Variants in HPSE2 observed in about 807,000 individuals in gnomAD.
HPSE2 encodes the protein heparanase 2 (inactive).
HPSE2 carries 38 observed loss-of-function variants against 60.5 expected under a neutral mutation model. The ratio of observed to expected loss-of-function variants is 0.63; its 90% CI spans 0.48 to 0.82. HPSE2 has a LOEUF of 0.82. HPSE2 is among the 40% of genes least tolerant of loss of function. The pLI is 0.00. For synonymous variants in HPSE2, 295 were observed against 293.2 expected, an observed-to-expected ratio of 1.01 and a Z score of -0.06; for missense variants, 713 against 740.4, an observed-to-expected ratio of 0.96 and a Z score of 0.43.
chr10:98,978,931 C>G (rs1956147125), intron 3 of HPSE2, among the ~76,000 whole-genome samples: 1 of 152,164 alleles, frequency 6.6e-6, no homozygotes, highest in South Asian at 2.1e-4. Flanking sequence ...ATGCATGTTC[C>G]CAACTGAGGT....
chr10:99,203,867 A>AGGCCCGCTCCGCCAGGC (rs77796243), intron 2 of HPSE2, among the ~76,000 whole-genome samples: 4 of 151,370 alleles, frequency 2.6e-5, no homozygotes, highest in Non-Finnish European at 5.9e-5. Flanking sequence ...AGAAGCCAGG[A>AGGCCCGCTCCGCCAGGC]CCGCTCCACC....
chr10:98,724,538 G>A (rs1468730690), intron 4 of HPSE2, among the ~76,000 whole-genome samples: 14 of 152,028 alleles, frequency 9.2e-5, no homozygotes, highest in East Asian at 1.9e-4. Context: ...TTCTGTCTTC[G>A]TTGATCTGTC....
At chr10:98,674,152 G>T (rs754388884) in intron 6 of HPSE2, among the ~76,000 whole-genome samples, 1 of 152,078 alleles carries the variant, frequency 6.6e-6, no homozygotes. Context: ...CACATGGAAG[G>T]CTTTCAATTA....
At chr10:98,985,146 C>T (rs1956309668) in intron 3 of HPSE2, among the ~76,000 whole-genome samples, 1 of 152,132 alleles carries the variant, frequency 6.6e-6, no homozygotes, top group African/African-American at 2.4e-5. Flanking sequence ...GAGAACGCCA[C>T]AAAGATACTC....
intron 3 of HPSE2, among the ~76,000 whole-genome samples, chr10:98,894,163 A>G (rs567128077): frequency 1.3e-5 from 2 of 152,328 alleles, no homozygotes; most frequent in African/African-American, 4.8e-5. Context: ...TGGCAAAACA[A>G]CACTCAAATA....
intron 3 of HPSE2, among the ~76,000 whole-genome samples, chr10:98,938,944 G>A (rs1297445746): frequency 6.9e-6 from 1 of 144,092 alleles, no homozygotes; most frequent in East Asian, 2.0e-4. Context: ...CATTCTTAAA[G>A]AAAAGAATTT....
chr10:99,267,190 G>A, the HPSE2 span, among the ~76,000 whole-genome samples: 25 of 152,066 alleles, frequency 1.6e-4, no homozygotes, highest in South Asian at 4.8e-3. Context: ...TCAGAAGGTC[G>A]ATTATTAAGC....
chr10:99,284,892 T>C, the HPSE2 span, among the ~76,000 whole-genome samples: 1 of 152,094 alleles, frequency 6.6e-6, no homozygotes, highest in Non-Finnish European at 1.5e-5. Flanking sequence ...AAAACATTTG[T>C]ATATTAAAGC....
chr10:99,257,033 C>A, the HPSE2 span, among the ~76,000 whole-genome samples: 1 of 152,212 alleles, frequency 6.6e-6, no homozygotes, highest in Non-Finnish European at 1.5e-5. Context: ...AATCTCTGAA[C>A]ATAAATTGTG....
the HPSE2 span, among the ~76,000 whole-genome samples, chr10:99,268,860 A>G: frequency 6.6e-6 from 1 of 152,250 alleles, no homozygotes; most frequent in East Asian, 1.9e-4. Context: ...GGCAGAATGG[A>G]TAAGAATTCA....
In HPSE2 at chr10:98,745,306, T is replaced by C. The variant is rs1456494236; in HGVS notation, c.611-1250A>G. ...GTCTCCTATTTATCCCATTCCTTCATTTCTATTGCCACCATTCTTTTTCTG... is the reference window on the plus strand; with the variant it reads ...GTCTCCTATTTATCCCATTCCTTCACTTCTATTGCCACCATTCTTTTTCTG... On this transcript the variant is annotated intron_variant, in intron 3 of 11. Transcript: ENST00000370552. 3.9e-5 allele frequency among the ~76,000 whole-genome samples: 6 copies of C among 152,222 alleles called. No homozygotes were observed. The East Asian group carries it at 1.2e-3, about 29-fold the overall frequency.
At chr10:99,098,126 T>G (rs1843786242) in intron 3 of HPSE2, among the ~76,000 whole-genome samples, 1 of 152,218 alleles carries the variant, frequency 6.6e-6, no homozygotes, top group Non-Finnish European at 1.5e-5. Flanking sequence ...CCTACATATC[T>G]ATGGGTTCCA....
chr10:99,302,202 G>A, the HPSE2 span, among the ~76,000 whole-genome samples: 5 of 152,046 alleles, frequency 3.3e-5, no homozygotes, highest in South Asian at 2.1e-4. Flanking sequence ...TTTATTAATC[G>A]GGGCCCTCCA....
chr10:98,745,050 A>C (rs1216176995), intron 3 of HPSE2, among the ~76,000 whole-genome samples: 1 of 151,994 alleles, frequency 6.6e-6, no homozygotes, highest in Non-Finnish European at 1.5e-5. Context: ...AAAATACAAA[A>C]AATTAGCCAG....
chr10:98,749,036 C>A (rs972362362), intron 3 of HPSE2, among the ~76,000 whole-genome samples: 6 of 151,986 alleles, frequency 3.9e-5, no homozygotes, highest in African/African-American at 1.4e-4. Context: ...AGAAAAGAAA[C>A]AAAATAGTAA....
rs561539808 is a variant in HPSE2, at chr10:98,537,350, G to A, written c.1321-47154C>T. Reference sequence around the variant, plus strand: ...GACATATGTATTTGTGAGTGTGGGCGGAGGATTACCTAGGTGCTGAGGCAA... The same window carrying A: ...GACATATGTATTTGTGAGTGTGGGCAGAGGATTACCTAGGTGCTGAGGCAA... On this transcript the variant is annotated intron_variant, in intron 9 of 11. Coordinates refer to ENST00000370552, the MANE Select transcript of HPSE2 (RefSeq NM_021828.5). Among the ~76,000 whole-genome samples the A allele has an allele frequency of 1.5e-4, 23 of 152,242 alleles. 1 individual carries two copies. The South Asian group carries it at 3.5e-3, about 23-fold the overall frequency.
At chr10:98,853,433 G>A (rs1423053821) in intron 3 of HPSE2, among the ~76,000 whole-genome samples, 1 of 152,040 alleles carries the variant, frequency 6.6e-6, no homozygotes. Context: ...TATTGACAGT[G>A]GACAGCAAGA....
chr10:99,177,638 T>G (rs1201626479), intron 2 of HPSE2, among the ~76,000 whole-genome samples: 1 of 152,160 alleles, frequency 6.6e-6, no homozygotes, highest in Non-Finnish European at 1.5e-5. Flanking sequence ...CTTAGAGACC[T>G]GTAAAGAGAC....
At chr10:98,654,388 C>T (rs1038846721) in intron 6 of HPSE2, among the ~76,000 whole-genome samples, 2 of 152,118 alleles carry the variant, frequency 1.3e-5, no homozygotes, top group African/African-American at 4.8e-5. Flanking sequence ...TTGAAATTGT[C>T]GCACATTTCT....
Sources: gnomAD v4.1 joint callset for allele counts (sites outside exome capture counted in the v4.1 genomes callset) on GRCh38, gnomAD v4.1.1 for gene constraint, MANE v1.5 for transcripts, NCBI Gene and HGNC (gene_info 2026-07-23, HGNC 2026-07-21) for gene names.